Variants in OPRL1 observed in about 807,000 individuals in gnomAD.
The protein encoded by OPRL1 is nociceptin receptor.
Under a neutral mutation model 15.5 loss-of-function variants are expected in OPRL1, and 5 were observed. The observed-to-expected ratio is 0.32, with a 90% CI of 0.17 to 0.68. The LOEUF is 0.68. OPRL1 is among the 30% of genes least tolerant of loss of function. OPRL1 has a pLI of 0.72. For synonymous variants in OPRL1, 223 were observed against 230.2 expected (o/e 0.97, Z 0.28); for missense variants, 406 against 515.3 (o/e 0.79, Z 2.05).
At chr20:64,080,957 T>C (rs62218097) in intron 1 of OPRL1, among the ~76,000 whole-genome samples, 353 of 152,038 alleles carry the variant, frequency 2.3e-3, no homozygotes, top group Non-Finnish European at 2.9e-3. Context: ...AACGGACAAG[T>C]ATCAGTATCT....
chr20:64,097,982 C>G lies in OPRL1; in HGVS notation c.414C>G (p.Thr138=), dbSNP rs1388347226. 1 of 1,613,754 alleles carries G rather than the reference C, an allele frequency of 6.2e-7. No individual in the cohort carries two copies. The highest frequency in any genetic ancestry group is 1.3e-5 in the African/African-American group (1 of 75,064). Residue 138 remains threonine (T), a synonymous_variant, in exon 4 of 5, where the codon ACC becomes ACG. Coordinates refer to ENST00000336866, the MANE Select transcript of OPRL1 (RefSeq NM_182647.4). This position sits in a 1 kb window ranked among gnomAD's most constrained non-coding sequence, Gnocchi z 4.2. ...AIDYYNMFTS[T]FTLTAMSVDR... is the part of the protein sequence containing the mutation. ...ACTACTACAACATGTTCACCAGCAC[C>G]TTCACCCTAACTGCCATGAGTGTGG... is the stretch of plus-strand genomic sequence containing the variant.
chr20:64,084,424 C>G, intron 1 of OPRL1: 1 of 1,255,480 alleles, frequency 8.0e-7, no homozygotes, highest in Non-Finnish European at 1.0e-6. Flanking sequence ...AGCAGCTCTG[C>G]CATCGGCTGA....
intron 3 of OPRL1, among the ~76,000 whole-genome samples, chr20:64,096,691 A>C (rs1392920964): frequency 6.6e-6 from 1 of 151,972 alleles, no homozygotes. Context: ...TATCGCCGCC[A>C]CCATCATCAT....
chr20:64,092,815 T>C lies in OPRL1; in HGVS notation c.95T>C (p.Leu32Pro), dbSNP rs754819532. 6.2e-6 allele frequency: 10 copies of C among 1,612,664 alleles called. 1 individual carries two copies. The South Asian group carries it at 9.9e-5, about 16-fold the overall frequency. The stretch of plus-strand genomic sequence containing the variant: ...CTCCTGAGCCCCAACCACAGTCTGC[T>C]GCCCCCGCATCTGCTGCTCAATGCC... ...LSLLSPNHSLLPPHLLLNASH... is the reference protein window; with the variant it reads ...LSLLSPNHSLPPPHLLLNASH... The change falls in exon 3 of 5, where the codon CTG becomes CCG. Residue 32 changes from leucine (L) to proline (P), a missense_variant. Transcript: ENST00000336866.
chr20:64,083,348 G>A lies in OPRL1; in HGVS notation c.-185+2996G>A, dbSNP rs1441347281. ...CTCCCCGCTTCCCTCGGGGTCCTGGGGAGTGGCAGCAAAAAGACCAGCGAG... is the reference window on the plus strand; with the variant it reads ...CTCCCCGCTTCCCTCGGGGTCCTGGAGAGTGGCAGCAAAAAGACCAGCGAG... On this transcript the variant is annotated intron_variant, in intron 1 of 4. Coordinates refer to ENST00000336866, the MANE Select transcript of OPRL1 (RefSeq NM_182647.4). This position sits in a 1 kb window ranked among gnomAD's most constrained non-coding sequence, Gnocchi z 4.9. The A allele has an allele frequency of 6.3e-7, 1 of 1,590,602 alleles. No homozygotes were observed. Among genetic ancestry groups the A allele is most frequent in the Admixed American group, 1.7e-5 (1 of 58,466 alleles).
Position 64,098,497 on chromosome 20 carries a change from G to T in OPRL1, c.811G>T (p.Val271Leu). The change falls in exon 5 of 5, where the codon GTG (valine) becomes TTG (leucine). Residue 271 changes from valine (V) to leucine (L), a missense_variant. Val to Leu is a conservative substitution (Grantham distance 32). Transcript: ENST00000336866. ...ITRLVLVVVA[V>L]FVGCWTPVQV... ...TCGGCTGGTGCTGGTGGTAGTGGCT[G>T]TGTTCGTGGGCTGCTGGACGCCTGT... 3.1e-6 allele frequency: 5 copies of T among 1,613,066 alleles called. No individual in the cohort carries two copies. The highest frequency in any genetic ancestry group is 4.2e-6 in the Non-Finnish European group (5 of 1,180,018).
At position 64,088,723 on chromosome 20, in the gene OPRL1, G is replaced by T. The variant is rs1569271861; in HGVS notation, c.-184-3243G>T. ...GCCAGGGTCTGTGCAGAGTGGCCAG[G>T]ATCTGTGCAAGGGGTAGGATCTGTG... On this transcript the variant is annotated intron_variant, in intron 1 of 4. Coordinates refer to ENST00000336866, the MANE Select transcript of OPRL1 (RefSeq NM_182647.4). Among the ~76,000 whole-genome samples the T allele has an allele frequency of 9.9e-4, 15 of 15,112 alleles. 1 individual carries two copies. Among genetic ancestry groups the T allele is most frequent in the East Asian group, 4.7e-3 (2 of 430 alleles). The allele number at this position is 15,112 out of a possible 152,430, so 9.9% of individuals were successfully genotyped here. A position where few individuals can be genotyped will look rare whatever the true frequency, so the allele number is the denominator to read the frequency against.
intron 3 of OPRL1, among the ~76,000 whole-genome samples, chr20:64,096,974 CCAT>C (rs758770816): frequency 2.7e-4 from 40 of 148,600 alleles, no homozygotes; most frequent in South Asian, 6.4e-4. Flanking sequence ...ACCATCACCA[CCAT>C]CATCACCATC....
intron 1 of OPRL1, among the ~76,000 whole-genome samples, chr20:64,086,323 A>G (rs1050704630): frequency 3.3e-5 from 5 of 151,350 alleles, no homozygotes; most frequent in African/African-American, 9.7e-5. Flanking sequence ...AAACCTTGAC[A>G]CCCCCTAGTC....
At chr20:64,088,714 A>G (rs113269829) in intron 1 of OPRL1, among the ~76,000 whole-genome samples, 701 of 17,632 alleles carry the variant, frequency 0.04, 21 homozygotes, top group East Asian at 0.053. Context: ...GTCTGTGCAG[A>G]GTGGCCAGGA....
At chr20:64,084,337 G>A (rs1342701193) in intron 1 of OPRL1, 2 of 1,288,672 alleles carry the variant, frequency 1.6e-6, no homozygotes, top group Non-Finnish European at 9.8e-7. Flanking sequence ...TGGGCTCTCC[G>A]CAGTCGGTTT....
At chr20:64,082,458 G>A (rs1220874401) in intron 1 of OPRL1, among the ~76,000 whole-genome samples, 1 of 152,212 alleles carries the variant, frequency 6.6e-6, no homozygotes, top group African/African-American at 2.4e-5. Flanking sequence ...CCGGGGCTGG[G>A]GAGAAACACT....
In OPRL1 at chr20:64,089,003, G is replaced by T. The variant is rs2060094141; in HGVS notation, c.-184-2963G>T. ...GATCTTTGCAGGGGGGACAGGTTGT[G>T]TGCAGGCAGGTGCGCAGGGTCAATG... On this transcript the variant is annotated intron_variant, in intron 1 of 4. Coordinates refer to ENST00000336866, the MANE Select transcript of OPRL1 (RefSeq NM_182647.4). The surrounding 1 kb of genome is among the most constrained non-coding windows in gnomAD (Gnocchi z 5.5). Among the ~76,000 whole-genome samples, 1 of 143,802 alleles carries T rather than the reference G, an allele frequency of 7.0e-6. No individual in the cohort carries two copies. Among genetic ancestry groups the T allele is most frequent in the African/African-American group, 2.6e-5 (1 of 38,960 alleles). The allele number at this position is 143,802 out of a possible 152,430, so 94.3% of individuals were successfully genotyped here.
At chr20:64,087,137 G>T (rs984163161) in intron 1 of OPRL1, among the ~76,000 whole-genome samples, 9 of 151,154 alleles carry the variant, frequency 6.0e-5, no homozygotes, top group African/African-American at 2.2e-4. Context: ...CATCGTTCGT[G>T]TCTTGGGCTA....
At chr20:64,084,401 A>G in intron 1 of OPRL1, 1 of 1,269,820 alleles carries the variant, frequency 7.9e-7, no homozygotes. Flanking sequence ...CCCTCTCCCA[A>G]GCGCACGTCC....
intron 1 of OPRL1, among the ~76,000 whole-genome samples, 171 bp from the exon 2 acceptor site, chr20:64,091,795 C>T (rs2060120310): frequency 8.0e-6 from 1 of 124,994 alleles, no homozygotes; most frequent in South Asian, 3.0e-4. Context: ...GTCTGTGGGT[C>T]TGAGCCTCCT....
At chr20:64,080,939 C>T (rs1036936340) in intron 1 of OPRL1, among the ~76,000 whole-genome samples, 4 of 152,202 alleles carry the variant, frequency 2.6e-5, no homozygotes, top group African/African-American at 9.7e-5. Context: ...TACTTGTATT[C>T]CTCATTCAAC....
chr20:64,096,821 TCATCACCATCATCATCATGAC>T (rs201035802), intron 3 of OPRL1, among the ~76,000 whole-genome samples: 64,504 of 134,238 alleles, frequency 0.48, 16,248 homozygotes, highest in East Asian at 0.56. Context: ...ATCACCACCA[TCATCACCATCATCATCATGAC>T]CATCACCACC....
intron 2 of OPRL1, among the ~76,000 whole-genome samples, chr20:64,092,402 C>G (rs1022441400): frequency 3.3e-5 from 5 of 152,032 alleles, no homozygotes; most frequent in African/African-American, 1.2e-4. Context: ...CTCCAGGCAC[C>G]CTGTGTGTGA....
Sources: gnomAD v4.1 joint callset for allele counts (sites outside exome capture counted in the v4.1 genomes callset) on GRCh38, gnomAD v4.1.1 for gene constraint, Gnocchi (gnomAD v3.1) non-coding constraint, MANE v1.5 for transcripts, NCBI Gene and HGNC (gene_info 2026-07-23, HGNC 2026-07-21) for gene names.